The following ZNF362 variants were observed in gnomAD, a reference collection of about 807,000 sequenced individuals.
The protein encoded by ZNF362 is rotund homolog.
Under a neutral mutation model 42.9 loss-of-function variants are expected in ZNF362, and 11 were observed. The observed-to-expected ratio is 0.26, with a 90% CI of 0.16 to 0.42. ZNF362 has a LOEUF of 0.42. Among genes scored for constraint, ZNF362 ranks in the 20% least tolerant of loss-of-function variants. The pLI, the probability that ZNF362 is intolerant of heterozygous loss-of-function variation, is 1.00. For synonymous variants in ZNF362, 255 were observed against 257.3 expected (o/e 0.99, Z 0.09); for missense variants, 362 against 576.2 (o/e 0.63, Z 3.81).
At chr1:33,158,992 C>A in the ZNF362 span, among the ~76,000 whole-genome samples, 1 of 152,102 alleles carries the variant, frequency 6.6e-6, no homozygotes, top group Admixed American at 6.5e-5. Flanking sequence ...AGGTGCCTGC[C>A]ACCACGCCCG....
At chr1:33,169,825 G>T in the ZNF362 span, among the ~76,000 whole-genome samples, 1 of 152,184 alleles carries the variant, frequency 6.6e-6, no homozygotes, top group East Asian at 1.9e-4. Context: ...AGAACTGCCC[G>T]TTCTACCAGA....
intron 4 of ZNF362, among the ~76,000 whole-genome samples, chr1:33,277,500 G>T (rs1351547913): frequency 2.0e-5 from 3 of 152,178 alleles, no homozygotes; most frequent in African/African-American, 7.2e-5. Flanking sequence ...TTTTAAGTAG[G>T]GGAGGAAACA....
chr1:33,270,748 G>A lies in ZNF362; in HGVS notation c.38+136G>A, dbSNP rs915272694. On this transcript the variant is annotated intron_variant, in intron 2 of 8. Transcript: ENST00000539719. ...TGGGTCTGCCCTGGGGGAGGTGTGT[G>A]CTTACCCTCCTGTAGCGGCCTCCTG... 5 of 1,464,166 alleles carry A rather than the reference G, an allele frequency of 3.4e-6. No individual in the cohort carries two copies. In the African/African-American group the frequency reaches 4.3e-5, roughly 12 times the overall value. 90.7% of individuals were successfully genotyped at this position (1,464,166 alleles called of 1,614,324 possible). A position where few individuals can be genotyped will look rare whatever the true frequency, so the allele number is the denominator to read the frequency against.
At chr1:33,189,684 C>CGTGT in the ZNF362 span, among the ~76,000 whole-genome samples, 1 of 20,482 alleles carries the variant, frequency 4.9e-5, no homozygotes, top group African/African-American at 1.1e-4. Context: ...TATATATATA[C>CGTGT]GTATATATAT....
intron 2 of ZNF362, chr1:33,275,273 AC>A (rs1175203693): frequency 1.0e-6 from 1 of 985,266 alleles, no homozygotes; most frequent in Non-Finnish European, 1.2e-6. Context: ...CATCCTTCAT[AC>A]TGCCCTGGTT....
chr1:33,230,734 C>T, the ZNF362 span, among the ~76,000 whole-genome samples: 1,386 of 152,292 alleles, frequency 9.1e-3, 23 homozygotes, highest in African/African-American at 0.032. Context: ...GCTGGGCTGC[C>T]GTGAGGTTGC....
At chr1:33,236,546 AAAAAATAT>A in the ZNF362 span, among the ~76,000 whole-genome samples, 1 of 7,304 alleles carries the variant, frequency 1.4e-4, no homozygotes, top group African/African-American at 2.1e-4. Context: ...AAAAAAAAAA[AAAAAATAT>A]ATATATATAT....
intron 8 of ZNF362, among the ~76,000 whole-genome samples, chr1:33,297,832 T>C (rs1646136316): frequency 6.6e-6 from 1 of 152,240 alleles, no homozygotes; most frequent in African/African-American, 2.4e-5. Flanking sequence ...TCTTTTTAGA[T>C]CAAGATCCAA....
chr1:33,276,261 G>T, intron 3 of ZNF362, 87 bp from the exon 4 acceptor site: 1 of 1,578,264 alleles, frequency 6.3e-7, no homozygotes, highest in Non-Finnish European at 8.6e-7. Context: ...GGGGTGAGGA[G>T]CGAGGGGCTC....
At chr1:33,223,293 T>C in the ZNF362 span, among the ~76,000 whole-genome samples, 2 of 152,142 alleles carry the variant, frequency 1.3e-5, no homozygotes, top group Admixed American at 1.3e-4. Flanking sequence ...GGAGTTTCCC[T>C]GCACAAGCTC....
At chr1:33,255,205 G>C (rs1376414294), upstream of ZNF362, among the ~76,000 whole-genome samples, 1 of 152,230 alleles carries the variant, frequency 6.6e-6, no homozygotes, top group African/African-American at 2.4e-5. Flanking sequence ...TAGAATCTTC[G>C]TGAGGGCAGG....
At chr1:33,239,018 A>ATCCTCCTC in the ZNF362 span, among the ~76,000 whole-genome samples, 1 of 152,268 alleles carries the variant, frequency 6.6e-6, no homozygotes, top group Non-Finnish European at 1.5e-5. Context: ...GGTTTCCCAG[A>ATCCTCCTC]AGGTGCTGGT....
At chr1:33,254,269 G>A (rs965051307), upstream of ZNF362, among the ~76,000 whole-genome samples, 5 of 152,050 alleles carry the variant, frequency 3.3e-5, no homozygotes, top group Non-Finnish European at 7.4e-5. Context: ...TGAGACTACA[G>A]GCACGTGCCA....
chr1:33,198,208 T>C, the ZNF362 span, among the ~76,000 whole-genome samples: 3 of 152,144 alleles, frequency 2.0e-5, no homozygotes, highest in Non-Finnish European at 4.4e-5. Context: ...ATACTATGTA[T>C]AAAGAAGAGA....
chr1:33,278,787 G>A (rs968470621), intron 4 of ZNF362, among the ~76,000 whole-genome samples: 5 of 152,134 alleles, frequency 3.3e-5, no homozygotes, highest in African/African-American at 1.2e-4. Context: ...TTCTCTCTGT[G>A]TCACTGTATC....
At chr1:33,183,782 G>C in the ZNF362 span, among the ~76,000 whole-genome samples, 1 of 152,218 alleles carries the variant, frequency 6.6e-6, no homozygotes, top group Non-Finnish European at 1.5e-5. Context: ...CTTGCTCCCA[G>C]TCTGAGGATG....
At chr1:33,209,938 CT>C in the ZNF362 span, among the ~76,000 whole-genome samples, 1 of 152,024 alleles carries the variant, frequency 6.6e-6, no homozygotes, top group Non-Finnish European at 1.5e-5. Context: ...CAGTTCTGCT[CT>C]GATCTTAGTT....
chr1:33,228,668 C>T, the ZNF362 span, among the ~76,000 whole-genome samples: 1 of 152,146 alleles, frequency 6.6e-6, no homozygotes, highest in South Asian at 2.1e-4. Context: ...GATTCAGAAT[C>T]CAATCACTCC....
chr1:33,255,227 G>GT (rs1281347962), upstream of ZNF362, among the ~76,000 whole-genome samples: 1 of 152,330 alleles, frequency 6.6e-6, no homozygotes, highest in African/African-American at 2.4e-5. Context: ...GCATTATCCA[G>GT]TTTTTTAATA....
Sources: allele counts gnomAD v4.1 joint callset (sites outside exome capture counted in the v4.1 genomes callset), GRCh38; gene constraint gnomAD v4.1.1; transcripts MANE v1.5; gene names NCBI Gene and HGNC (gene_info 2026-07-23, HGNC 2026-07-21).